The following MTX2 variants were observed in gnomAD, a reference collection of about 807,000 sequenced individuals.
The protein encoded by MTX2 is metaxin-2.
A neutral mutation model predicts 42.3 loss-of-function variants in MTX2; 35 were observed. That is an observed-to-expected ratio of 0.83 (90% CI 0.63 to 1.10). The LOEUF (loss-of-function observed/expected upper bound fraction) is 1.10, where lower values mean the gene tolerates loss of function less well. MTX2 is among the 50% of genes least tolerant of loss of function. The probability of loss-of-function intolerance (pLI) is 0.00; values close to 1 mark genes in which losing one functional copy is unlikely to be tolerated. For synonymous variants in MTX2, 119 were observed against 100.9 expected (o/e 1.18, Z -1.08); for missense variants, 307 against 304.1 (o/e 1.01, Z -0.07).
intron 1 of MTX2, among the ~76,000 whole-genome samples, chr2:176,290,748 G>GA (rs1340219352): frequency 1.5e-3 from 203 of 134,418 alleles, no homozygotes; most frequent in African/African-American, 5.1e-3. Flanking sequence ...GGAATAACTA[G>GA]TTTTTTTTTT....
At chr2:176,278,316 G>T (rs1692998182) in intron 1 of MTX2, among the ~76,000 whole-genome samples, 1 of 151,962 alleles carries the variant, frequency 6.6e-6, no homozygotes, top group Non-Finnish European at 1.5e-5. Flanking sequence ...CTCCCAAAGT[G>T]CTGGGATTAT....
At position 176,297,871 on chromosome 2, in the gene MTX2, C is replaced by G; in HGVS notation, c.111C>G (p.Asp37Glu). 6.4e-7 allele frequency: 1 copy of G among 1,560,426 alleles called. No individual in the cohort carries two copies. The highest frequency in any genetic ancestry group is 8.7e-7 in the Non-Finnish European group (1 of 1,150,036). The change falls in exon 3 of 10, where the codon GAC becomes GAG. Residue 37 changes from aspartate to glutamate, a missense_variant. Asp to Glu is a conservative substitution (Grantham distance 45, BLOSUM62 2). Coordinates refer to ENST00000249442, the MANE Select transcript of MTX2 (RefSeq NM_006554.5). ...CAGGGGAGCAAATTTTACTTTCTGA[C>G]AATGCAGCTTCTCTTGCAGTGCAGG... ...QLKGEQILLS[D>E]NAASLAVQAF...
chr2:176,285,302 T>A (rs909389342), intron 1 of MTX2, among the ~76,000 whole-genome samples: 1 of 152,134 alleles, frequency 6.6e-6, no homozygotes, highest in Admixed American at 6.5e-5. Flanking sequence ...GTAAGTGCAA[T>A]AAGTCTTTTA....
At chr2:176,286,484 G>T (rs1046098511) in intron 1 of MTX2, among the ~76,000 whole-genome samples, 4 of 150,816 alleles carry the variant, frequency 2.7e-5, no homozygotes, top group African/African-American at 9.7e-5. Flanking sequence ...GAATGGCAGG[G>T]TATTAAGACC....
chr2:176,316,669 C>T (rs1245298875), intron 3 of MTX2, among the ~76,000 whole-genome samples: 2 of 152,156 alleles, frequency 1.3e-5, no homozygotes, highest in African/African-American at 4.8e-5. Context: ...TCCCAAAGTG[C>T]TGGGATTACT....
chr2:176,288,331 G>A (rs1459136389), intron 1 of MTX2, among the ~76,000 whole-genome samples: 1 of 151,900 alleles, frequency 6.6e-6, no homozygotes, highest in Non-Finnish European at 1.5e-5. Flanking sequence ...TGAGTATGGT[G>A]TCTATGTTAT....
chr2:176,311,248 T>C (rs1427957326), intron 3 of MTX2, among the ~76,000 whole-genome samples: 2 of 152,124 alleles, frequency 1.3e-5, no homozygotes, highest in African/African-American at 2.4e-5. Context: ...ACGGCAAATA[T>C]TACTGCCTGT....
chr2:176,306,397 T>C (rs1558935027), intron 3 of MTX2, among the ~76,000 whole-genome samples: 2 of 152,280 alleles, frequency 1.3e-5, no homozygotes, highest in Admixed American at 6.5e-5. Context: ...TATAGTAGCA[T>C]GATTCATAAT....
Position 176,330,257 on chromosome 2 carries a change from T to TTA in MTX2, c.544-324_544-323dup, listed in dbSNP as rs201421975. Among the ~76,000 whole-genome samples, 941 of 150,970 alleles carry TTA rather than the reference T, an allele frequency of 6.2e-3. 11 individuals carry two copies. Among genetic ancestry groups the TTA allele is most frequent in the African/African-American group, 0.021 (884 of 41,406 alleles). On this transcript the variant is annotated intron_variant, in intron 8 of 9. Coordinates refer to ENST00000249442, the MANE Select transcript of MTX2 (RefSeq NM_006554.5). The stretch of plus-strand genomic sequence containing the variant: ...GACACTTTTGTTCTTGACAAAATCC[T>TTA]TATAAGTAACTTAAATGTACTTGTA...
Position 176,298,004 on chromosome 2 carries a change from G to T in MTX2, c.135+109G>T, listed in dbSNP as rs1683932999. On this transcript the variant is annotated intron_variant, in intron 3 of 9. Transcript: ENST00000249442. ...CAAAATGTCTGATACTATATGTTTA[G>T]ATTTTTTTCTGTGTGATTTACCATT... The T allele has an allele frequency of 4.6e-6, 3 of 655,144 alleles. 1 individual carries two copies. The highest frequency in any genetic ancestry group is 6.5e-5 in the East Asian group (2 of 30,544). 40.6% of individuals were successfully genotyped at this position (655,144 alleles called of 1,614,324 possible).
intron 1 of MTX2, among the ~76,000 whole-genome samples, chr2:176,272,421 C>T (rs1213947712): frequency 1.3e-5 from 2 of 152,116 alleles, no homozygotes; most frequent in African/African-American, 4.8e-5. Flanking sequence ...TTATAATTTT[C>T]TTACAAAAAT....
chr2:176,328,371 C>T lies in MTX2; in HGVS notation c.364C>T (p.Leu122=). The change falls in exon 6 of 10, where the codon CTG becomes TTG. Residue 122 remains leucine (L), a synonymous_variant. Coordinates refer to ENST00000249442, the MANE Select transcript of MTX2 (RefSeq NM_006554.5). ...KAYMELVNNM[L]LTAELYLQWC... ...TTACATGGAATTAGTCAACAATATGCTGTTGACTGCAGAGGTAAAATACTA... is the reference window on the plus strand; with the variant it reads ...TTACATGGAATTAGTCAACAATATGTTGTTGACTGCAGAGGTAAAATACTA... 1 of 1,569,008 alleles carries T rather than the reference C, an allele frequency of 6.4e-7. No homozygotes were observed. The highest frequency in any genetic ancestry group is 8.6e-7 in the Non-Finnish European group (1 of 1,158,062).
At chr2:176,281,150 C>G (rs981269378) in intron 1 of MTX2, among the ~76,000 whole-genome samples, 2 of 151,880 alleles carry the variant, frequency 1.3e-5, no homozygotes, top group African/African-American at 4.8e-5. Context: ...AACATGTGGT[C>G]CCTGTTGGCA....
intron 3 of MTX2, among the ~76,000 whole-genome samples, chr2:176,301,537 A>G (rs1343052178): frequency 1.3e-5 from 2 of 152,088 alleles, no homozygotes; most frequent in East Asian, 1.9e-4. Flanking sequence ...CTATTTTCCT[A>G]CAGATTAGGA....
chr2:176,274,963 C>T (rs1692913799), intron 1 of MTX2, among the ~76,000 whole-genome samples: 1 of 152,132 alleles, frequency 6.6e-6, no homozygotes, highest in South Asian at 2.1e-4. Context: ...CCTTGTAGCC[C>T]ACTTTAGAGA....
At chr2:176,283,698 T>C (rs1000301541) in intron 1 of MTX2, among the ~76,000 whole-genome samples, 3 of 152,192 alleles carry the variant, frequency 2.0e-5, no homozygotes, top group Admixed American at 6.5e-5. Flanking sequence ...ATTACAGTGA[T>C]TGTATTTGGT....
chr2:176,330,782 A>C, intron 9 of MTX2, 122 bp downstream of exon 9: 2 of 692,472 alleles, frequency 2.9e-6, no homozygotes, highest in Non-Finnish European at 4.8e-6. Flanking sequence ...TTTGTACTCA[A>C]ATATTTTTGT....
chr2:176,296,066 T>C (rs951606060), intron 1 of MTX2, among the ~76,000 whole-genome samples: 4 of 152,196 alleles, frequency 2.6e-5, no homozygotes, highest in Non-Finnish European at 5.9e-5. Context: ...TTAAGTGCAG[T>C]TGATTAGACA....
chr2:176,315,203 A>T (rs1684407575), intron 3 of MTX2, among the ~76,000 whole-genome samples: 1 of 152,174 alleles, frequency 6.6e-6, no homozygotes, highest in African/African-American at 2.4e-5. Flanking sequence ...TCTATCCAAA[A>T]AGTGATAATT....
Sources: gnomAD v4.1 joint callset for allele counts (sites outside exome capture counted in the v4.1 genomes callset) on GRCh38, gnomAD v4.1.1 for gene constraint, MANE v1.5 for transcripts, NCBI Gene and HGNC (gene_info 2026-07-23, HGNC 2026-07-21) for gene names.